JARID2: variants seen among roughly 807,000 people sequenced by gnomAD.
The protein encoded by JARID2 is protein Jumonji.
JARID2 carries 21 observed loss-of-function variants against 125.6 expected under a neutral mutation model. That is an observed-to-expected ratio of 0.17 (90% CI 0.12 to 0.24). The LOEUF is 0.24. Ranked by LOEUF, JARID2 falls within the 10% of genes least tolerant of loss-of-function variation. The pLI is 1.00. For synonymous variants in JARID2, 736 were observed against 661.6 expected, an observed-to-expected ratio of 1.11 and a Z score of -1.73; for missense variants, 1,303 against 1,639.6, an observed-to-expected ratio of 0.79 and a Z score of 3.55.
At chr6:15,413,925 G>A (rs1766014491) in intron 3 of JARID2, among the ~76,000 whole-genome samples, 1 of 152,132 alleles carries the variant, frequency 6.6e-6, no homozygotes, top group Non-Finnish European at 1.5e-5. Flanking sequence ...GAACTTTGGG[G>A]GCCACATTCA....
intron 1 of JARID2, among the ~76,000 whole-genome samples, chr6:15,327,554 CGT>C (rs10589143): frequency 0.064 from 9,614 of 149,062 alleles, 325 homozygotes; most frequent in South Asian, 0.12. Flanking sequence ...TGTGTGTGCG[CGT>C]GTGTGTGCGT....
At chr6:15,410,118 C>A (rs374096586) in intron 2 of JARID2, 106 bp from the exon 3 acceptor site, 41 of 1,037,144 alleles carry the variant, frequency 4.0e-5, no homozygotes, top group East Asian at 3.0e-4. Flanking sequence ...TCTCTTCTAT[C>A]CACATTCTTG....
At chr6:15,352,830 T>A (rs1763475312) in intron 1 of JARID2, among the ~76,000 whole-genome samples, 1 of 152,216 alleles carries the variant, frequency 6.6e-6, no homozygotes, top group South Asian at 2.1e-4. Flanking sequence ...ACGCATAGCA[T>A]AGCGCCACGA....
In JARID2 at chr6:15,513,443, C is replaced by T. The variant is rs151179727; in HGVS notation, c.3450+21C>T. 168 of 1,552,730 alleles carry T rather than the reference C, an allele frequency of 1.1e-4. No homozygotes were observed. The East Asian group carries it at 2.7e-3, about 25-fold the overall frequency. Reference sequence around the variant, plus strand: ...CCATGGTGAGCCCGCCTGGCCCTGCCGGCGCCCTCGCATGTAGTGCTTGGC... The same window carrying T: ...CCATGGTGAGCCCGCCTGGCCCTGCTGGCGCCCTCGCATGTAGTGCTTGGC... On this transcript the variant is annotated intron_variant, in intron 16 of 17. Coordinates refer to ENST00000341776, the MANE Select transcript of JARID2 (RefSeq NM_004973.4).
intron 1 of JARID2, among the ~76,000 whole-genome samples, chr6:15,271,851 G>A (rs1760309486): frequency 6.6e-6 from 1 of 152,118 alleles, no homozygotes; most frequent in African/African-American, 2.4e-5. Context: ...AATATAAAAA[G>A]TAGCTGGGCG....
rs894803763 is a variant in JARID2, at chr6:15,497,640, G to A, written c.1945+470G>A. ...CACTCCAGCCTGGGTGACAGAGTGA[G>A]ATTCCGTCTCAAAAAAAAAAAAAAA... is the stretch of plus-strand genomic sequence containing the variant. On this transcript the variant is annotated intron_variant, in intron 7 of 17. Transcript: ENST00000341776. Among the ~76,000 whole-genome samples the A allele has an allele frequency of 3.5e-5, 4 of 115,550 alleles. No homozygotes were observed. The Admixed American group carries it at 3.8e-4, about 11-fold the overall frequency. 75.8% of individuals were successfully genotyped at this position (115,550 alleles called of 152,430 possible).
chr6:15,269,571 AAT>A (rs1760218483), intron 1 of JARID2, among the ~76,000 whole-genome samples: 1 of 143,550 alleles, frequency 7.0e-6, no homozygotes, highest in African/African-American at 2.6e-5. Context: ...GCTATTTTAA[AAT>A]TTTTTTTTTT....
intron 1 of JARID2, among the ~76,000 whole-genome samples, chr6:15,253,591 C>T (rs1374218192): frequency 6.6e-6 from 1 of 152,082 alleles, no homozygotes; most frequent in Non-Finnish European, 1.5e-5. Flanking sequence ...CAGCGACTGG[C>T]AGCTCGACTA....
intron 1 of JARID2, among the ~76,000 whole-genome samples, chr6:15,340,173 A>G (rs931235975): frequency 7.2e-5 from 11 of 152,274 alleles, no homozygotes; most frequent in Non-Finnish European, 1.6e-4. Flanking sequence ...GCCATGTTCT[A>G]ATGGGCTGTG....
chr6:15,394,229 G>GAGCAC (rs1158042174), intron 2 of JARID2, among the ~76,000 whole-genome samples: 1 of 152,118 alleles, frequency 6.6e-6, no homozygotes, highest in African/African-American at 2.4e-5. Context: ...TCCCAGATAA[G>GAGCAC]AGCACCTCAG....
At chr6:15,387,783 T>C (rs1764844157) in intron 2 of JARID2, among the ~76,000 whole-genome samples, 1 of 152,158 alleles carries the variant, frequency 6.6e-6, no homozygotes, top group African/African-American at 2.4e-5. Context: ...GAGTAACTGC[T>C]TTTGACAGGG....
intron 1 of JARID2, among the ~76,000 whole-genome samples, chr6:15,348,097 C>G (rs549802520): frequency 2.8e-5 from 4 of 145,384 alleles, no homozygotes; most frequent in East Asian, 2.1e-4. Flanking sequence ...TTGTTTTGTT[C>G]TGTTTTTTTT....
At chr6:15,451,144 CAAACAAACAAAG>C (rs1767903765) in intron 3 of JARID2, among the ~76,000 whole-genome samples, 1 of 152,116 alleles carries the variant, frequency 6.6e-6, no homozygotes, top group African/African-American at 2.4e-5. Context: ...CCATCTCAAA[CAAACAAACAAAG>C]AAACAAACAA....
At chr6:15,449,000 A>T (rs1309888314) in intron 3 of JARID2, among the ~76,000 whole-genome samples, 1 of 151,830 alleles carries the variant, frequency 6.6e-6, no homozygotes, top group African/African-American at 2.4e-5. Flanking sequence ...TAACAGATGG[A>T]AAATTTAAAA....
rs1581533603 is a variant in JARID2 at position 15,417,662 on chromosome 6, A to G, written c.323+7297A>G. 2.6e-5 allele frequency among the ~76,000 whole-genome samples: 4 copies of G among 152,248 alleles called. 1 individual carries two copies. The highest frequency in any genetic ancestry group is 2.6e-4 in the Admixed American group (4 of 15,306). On this transcript the variant is annotated intron_variant, in intron 3 of 17. Coordinates refer to ENST00000341776, the MANE Select transcript of JARID2 (RefSeq NM_004973.4). ...GAGGGTGAGATGAGAGGATCGTTTG[A>G]GTCTGGGAGATGGAGGTTGCAGTTA...
chr6:15,313,407 C>T (rs1461165990), intron 1 of JARID2, among the ~76,000 whole-genome samples: 1 of 152,092 alleles, frequency 6.6e-6, no homozygotes, highest in Non-Finnish European at 1.5e-5. Context: ...TATCCCAGCT[C>T]CCCAAGCCCT....
chr6:15,325,029 A>T (rs1449023184), intron 1 of JARID2, among the ~76,000 whole-genome samples: 1 of 151,900 alleles, frequency 6.6e-6, no homozygotes, highest in Non-Finnish European at 1.5e-5. Context: ...GTGTATTCGT[A>T]TGTGTTTATA....
intron 1 of JARID2, among the ~76,000 whole-genome samples, chr6:15,257,094 A>T (rs1242200118): frequency 2.0e-5 from 3 of 152,158 alleles, no homozygotes; most frequent in Admixed American, 1.3e-4. Flanking sequence ...GGGGCATGAA[A>T]TCCAGGTCCT....
At chr6:15,418,725 A>T (rs1451045868) in intron 3 of JARID2, among the ~76,000 whole-genome samples, 1 of 151,908 alleles carries the variant, frequency 6.6e-6, no homozygotes, top group African/African-American at 2.4e-5. Flanking sequence ...TATTAGATTG[A>T]ATTTTGAATG....
Sources: gnomAD v4.1 joint callset for allele counts (sites outside exome capture counted in the v4.1 genomes callset) on GRCh38, gnomAD v4.1.1 for gene constraint, MANE v1.5 for transcripts, NCBI Gene and HGNC (gene_info 2026-07-23, HGNC 2026-07-21) for gene names.